Variants in ADORA2B observed in about 807,000 individuals in gnomAD.
ADORA2B encodes the protein adenosine receptor A2b.
ADORA2B carries 18 observed loss-of-function variants against 20.8 expected under a neutral mutation model. The observed-to-expected ratio is 0.87, with a 90% confidence interval of 0.60 to 1.29. The LOEUF (loss-of-function observed/expected upper bound fraction) is 1.29, where lower values mean the gene tolerates loss of function less well. Ranked by LOEUF, ADORA2B falls within the 50% of genes most tolerant of loss-of-function variation. The pLI is 0.00. For missense variants in ADORA2B, 441 were observed against 422.7 expected (o/e 1.04, Z -0.38); for synonymous variants, 179 against 178.3 (o/e 1.00, Z -0.03).
intron 1 of ADORA2B, among the ~76,000 whole-genome samples, chr17:15,953,703 T>C (rs963121719): frequency 6.6e-6 from 1 of 152,250 alleles, no homozygotes; most frequent in Non-Finnish European, 1.5e-5. Flanking sequence ...CCCCCATTCC[T>C]TTCCCAGGTC....
intron 1 of ADORA2B, among the ~76,000 whole-genome samples, chr17:15,952,039 T>A (rs1969911346): frequency 6.6e-6 from 1 of 152,068 alleles, no homozygotes; most frequent in South Asian, 2.1e-4. Context: ...CTGTGGACAT[T>A]CCCACTGAAT....
intron 1 of ADORA2B, among the ~76,000 whole-genome samples, chr17:15,949,385 C>T (rs1969864114): frequency 6.8e-6 from 1 of 146,380 alleles, no homozygotes; most frequent in Admixed American, 6.8e-5. Flanking sequence ...TGGTGGTACA[C>T]GCTTGTAATC....
chr17:15,899,056 T>A, the ADORA2B span, among the ~76,000 whole-genome samples: 1 of 151,748 alleles, frequency 6.6e-6, no homozygotes, highest in Non-Finnish European at 1.5e-5. Context: ...ATGGTGAAAC[T>A]GTGTCTCTAC....
At chr17:15,954,954 T>A (rs8065354) in intron 1 of ADORA2B, among the ~76,000 whole-genome samples, 3 of 152,200 alleles carry the variant, frequency 2.0e-5, no homozygotes, top group Admixed American at 6.5e-5. Context: ...TTGTTTTTCC[T>A]TGGTGTTCTG....
At chr17:15,882,149 C>G in the ADORA2B span, among the ~76,000 whole-genome samples, 2 of 152,198 alleles carry the variant, frequency 1.3e-5, no homozygotes, top group African/African-American at 4.8e-5. Flanking sequence ...GGCAACTCAT[C>G]AAGGTTGTAG....
At chr17:15,865,880 A>C in the ADORA2B span, among the ~76,000 whole-genome samples, 2 of 148,720 alleles carry the variant, frequency 1.3e-5, no homozygotes, top group African/African-American at 2.5e-5. Flanking sequence ...GGCAAGAAGG[A>C]TGGGAGAAGG....
the ADORA2B span, among the ~76,000 whole-genome samples, chr17:15,885,806 A>G: frequency 6.6e-6 from 1 of 152,206 alleles, no homozygotes; most frequent in Non-Finnish European, 1.5e-5. Context: ...AACTTAATCT[A>G]GCCACTTCAT....
At chr17:15,947,743 C>T (rs1597845061) in intron 1 of ADORA2B, among the ~76,000 whole-genome samples, 1 of 152,250 alleles carries the variant, frequency 6.6e-6, no homozygotes, top group South Asian at 2.1e-4. Context: ...CTTCCCTCAG[C>T]TGGCCTAGCA....
chr17:15,951,686 A>G (rs1969903894), intron 1 of ADORA2B, among the ~76,000 whole-genome samples: 1 of 152,328 alleles, frequency 6.6e-6, no homozygotes, highest in East Asian at 1.9e-4. Context: ...GAACTGGGGT[A>G]ATTCAATCCA....
chr17:15,879,399 G>T, the ADORA2B span, among the ~76,000 whole-genome samples: 437 of 152,126 alleles, frequency 2.9e-3, 4 homozygotes, highest in African/African-American at 0.01. Context: ...GTTGCAATGA[G>T]CTGTGATCAT....
At chr17:15,968,402 AC>A (rs1191086323) in intron 1 of ADORA2B, among the ~76,000 whole-genome samples, 1 of 152,222 alleles carries the variant, frequency 6.6e-6, no homozygotes, top group Non-Finnish European at 1.5e-5. Flanking sequence ...AGGTGACTAT[AC>A]ATACATACCA....
upstream of ADORA2B, among the ~76,000 whole-genome samples, chr17:15,940,407 G>T (rs147824391): frequency 3.4e-4 from 51 of 152,190 alleles, no homozygotes; most frequent in African/African-American, 1.2e-3. Flanking sequence ...CTTGGATGTC[G>T]GAGAGAAGTA....
intron 1 of ADORA2B, among the ~76,000 whole-genome samples, chr17:15,970,845 A>G (rs7209240): frequency 0.11 from 17,309 of 152,054 alleles, 1,689 homozygotes; most frequent in African/African-American, 0.26. Flanking sequence ...CTTGTCCCTT[A>G]TGGTCACAGT....
At chr17:15,910,383 C>T in the ADORA2B span, among the ~76,000 whole-genome samples, 1 of 152,012 alleles carries the variant, frequency 6.6e-6, no homozygotes, top group Non-Finnish European at 1.5e-5. Flanking sequence ...CTGCAACCTC[C>T]ATCTCCTCGG....
At chr17:15,911,513 T>C in the ADORA2B span, among the ~76,000 whole-genome samples, 1 of 152,176 alleles carries the variant, frequency 6.6e-6, no homozygotes, top group Non-Finnish European at 1.5e-5. Context: ...TGGATGGTGT[T>C]GTGGTTTCCC....
At chr17:15,850,496 A>G in the ADORA2B span, 2 of 152,618 alleles carry the variant, frequency 1.3e-5, no homozygotes, top group Non-Finnish European at 2.9e-5. Flanking sequence ...GTCACCAAAG[A>G]GGTAAATCAA....
chr17:15,875,394 GC>G, the ADORA2B span, among the ~76,000 whole-genome samples: 2 of 152,090 alleles, frequency 1.3e-5, no homozygotes, highest in African/African-American at 4.8e-5. Flanking sequence ...TTTCTTTTCA[GC>G]CCCCAGCCTC....
chr17:15,868,175 A>G, the ADORA2B span, among the ~76,000 whole-genome samples: 6 of 140,016 alleles, frequency 4.3e-5, no homozygotes, highest in Admixed American at 2.9e-4. Context: ...TGAAGGCAGC[A>G]TGCTCGTTAA....
At chr17:15,947,803 C>G (rs1342100838) in intron 1 of ADORA2B, among the ~76,000 whole-genome samples, 2 of 152,228 alleles carry the variant, frequency 1.3e-5, no homozygotes, top group Non-Finnish European at 2.9e-5. Flanking sequence ...AGGGCCTCAC[C>G]TGGTTGTACT....
Sources: allele counts gnomAD v4.1 joint callset (sites outside exome capture counted in the v4.1 genomes callset), GRCh38; gene constraint gnomAD v4.1.1; transcripts MANE v1.5; gene names NCBI Gene and HGNC (gene_info 2026-07-23, HGNC 2026-07-21).